The following NLGN1 variants were observed in gnomAD, a reference collection of about 807,000 sequenced individuals.
NLGN1 encodes the protein neuroligin 1, also known as neuroligin-1.
NLGN1 carries 12 observed loss-of-function variants against 65.5 expected under a neutral mutation model. The observed-to-expected ratio is 0.18, with a 90% confidence interval of 0.12 to 0.30. The LOEUF (loss-of-function observed/expected upper bound fraction) is 0.30. NLGN1 is among the 10% of genes least tolerant of loss of function. NLGN1 has a pLI of 1.00. For missense variants in NLGN1, 750 were observed against 1,007.1 expected (o/e 0.74, Z 3.46); for synonymous variants, 350 against 359.5 (o/e 0.97, Z 0.30).
chr3:173,410,508 T>C (rs1712305486), intron 1 of NLGN1, among the ~76,000 whole-genome samples: 1 of 152,216 alleles, frequency 6.6e-6, no homozygotes, highest in Non-Finnish European at 1.5e-5. Context: ...CATGTTTTTG[T>C]TAATGCAGGG....
chr3:174,011,207 A>G (rs536534661), intron 4 of NLGN1, among the ~76,000 whole-genome samples: 86 of 152,282 alleles, frequency 5.6e-4, no homozygotes, highest in African/African-American at 2.0e-3. Flanking sequence ...GCACAAATCT[A>G]TTCTTTTTCA....
chr3:174,117,572 G>A (rs1204570948), intron 4 of NLGN1, among the ~76,000 whole-genome samples: 3 of 150,554 alleles, frequency 2.0e-5, no homozygotes, highest in Non-Finnish European at 4.4e-5. Context: ...AGTGAGCCGA[G>A]ATCACGCTAC....
chr3:173,947,766 A>G (rs1747465154), intron 4 of NLGN1, among the ~76,000 whole-genome samples: 1 of 152,230 alleles, frequency 6.6e-6, no homozygotes, highest in Non-Finnish European at 1.5e-5. Context: ...TTTAAGTAGT[A>G]TAATTATTAT....
At chr3:174,084,577 G>T (rs1046915746) in intron 4 of NLGN1, among the ~76,000 whole-genome samples, 1 of 152,002 alleles carries the variant, frequency 6.6e-6, no homozygotes, top group Non-Finnish European at 1.5e-5. Context: ...AAATAAGGGA[G>T]AGATTATAAT....
chr3:174,070,362 C>T (rs1455428736), intron 4 of NLGN1, among the ~76,000 whole-genome samples: 2 of 150,222 alleles, frequency 1.3e-5, no homozygotes, highest in African/African-American at 4.9e-5. Context: ...AATGGAGTCT[C>T]GCTCTGTCAC....
At chr3:173,891,233 G>C (rs942154910) in intron 4 of NLGN1, among the ~76,000 whole-genome samples, 1 of 152,116 alleles carries the variant, frequency 6.6e-6, no homozygotes, top group African/African-American at 2.4e-5. Flanking sequence ...TTGAATTATT[G>C]ATCATGTGCA....
rs149647741 is a variant in NLGN1, at chr3:173,500,680, C to A, written c.-321+65602C>A. ...GAATTTGGCTGTGAATTCATCTGGTCCTGGACATTTTTTGGTTGGTAAGCT... is the reference window on the plus strand; with the variant it reads ...GAATTTGGCTGTGAATTCATCTGGTACTGGACATTTTTTGGTTGGTAAGCT... On this transcript the variant is annotated intron_variant, in intron 2 of 6. Transcript: ENST00000457714. Among the ~76,000 whole-genome samples, 1,362 of 152,064 alleles carry A rather than the reference C, an allele frequency of 9.0e-3. 23 individuals carry two copies. The highest frequency in any genetic ancestry group is 0.031 in the African/African-American group (1,302 of 41,530).
At chr3:173,662,926 A>G (rs1282496203) in intron 3 of NLGN1, among the ~76,000 whole-genome samples, 2 of 152,042 alleles carry the variant, frequency 1.3e-5, no homozygotes, top group Non-Finnish European at 2.9e-5. Flanking sequence ...TATGCACATT[A>G]AAGTACAGAG....
intron 4 of NLGN1, among the ~76,000 whole-genome samples, chr3:174,196,882 T>C (rs1733524313): frequency 6.6e-6 from 1 of 152,206 alleles, no homozygotes; most frequent in African/African-American, 2.4e-5. Context: ...ATCAACTCTG[T>C]AAGAACCATT....
chr3:173,593,723 T>G (rs1748947870), intron 2 of NLGN1, among the ~76,000 whole-genome samples: 1 of 152,138 alleles, frequency 6.6e-6, no homozygotes, highest in Non-Finnish European at 1.5e-5. Flanking sequence ...GCTGTATTAG[T>G]CTGTTTTCAT....
intron 4 of NLGN1, among the ~76,000 whole-genome samples, chr3:174,173,088 TA>T (rs1284631354): frequency 1.3e-5 from 2 of 151,916 alleles, no homozygotes; most frequent in Admixed American, 6.6e-5. Context: ...TTGTGTATGG[TA>T]TTTTTTTTAT....
At chr3:173,976,608 A>G (rs898387765) in intron 4 of NLGN1, among the ~76,000 whole-genome samples, 1 of 152,012 alleles carries the variant, frequency 6.6e-6, no homozygotes, top group African/African-American at 2.4e-5. Context: ...ATTAACTACC[A>G]TGAATAAATG....
chr3:173,415,830 G>C (rs1577346829), intron 1 of NLGN1, among the ~76,000 whole-genome samples: 1 of 151,434 alleles, frequency 6.6e-6, no homozygotes, highest in East Asian at 1.9e-4. Flanking sequence ...CTATGCTTCA[G>C]TTTCCCTATT....
At chr3:173,718,107 G>C (rs1221572875) in intron 3 of NLGN1, among the ~76,000 whole-genome samples, 1 of 151,956 alleles carries the variant, frequency 6.6e-6, no homozygotes, top group Non-Finnish European at 1.5e-5. Context: ...AGGGTATTTC[G>C]TATATCCATC....
intron 4 of NLGN1, among the ~76,000 whole-genome samples, chr3:174,265,763 CTATATA>C (rs374563161): frequency 1.3e-4 from 16 of 125,636 alleles, no homozygotes; most frequent in African/African-American, 3.4e-4. Context: ...ACTAAGAAGG[CTATATA>C]TATATATATA....
intron 4 of NLGN1, among the ~76,000 whole-genome samples, chr3:174,194,538 A>T (rs1307573486): frequency 1.3e-5 from 2 of 152,014 alleles, no homozygotes; most frequent in African/African-American, 4.8e-5. Flanking sequence ...CTAAATCAAG[A>T]TATTTAGATT....
intron 4 of NLGN1, among the ~76,000 whole-genome samples, chr3:174,125,743 C>G (rs1718806055): frequency 6.6e-6 from 1 of 152,054 alleles, no homozygotes; most frequent in African/African-American, 2.4e-5. Flanking sequence ...GCAGATAAAA[C>G]TTGGCACTGA....
intron 3 of NLGN1, among the ~76,000 whole-genome samples, chr3:173,666,134 CTCTTA>C (rs939983244): frequency 6.6e-6 from 1 of 152,100 alleles, no homozygotes. Context: ...CTTACATCTT[CTCTTA>C]TATGTCAATT....
At chr3:174,091,970 A>G (rs1300539974) in intron 4 of NLGN1, among the ~76,000 whole-genome samples, 1 of 152,190 alleles carries the variant, frequency 6.6e-6, no homozygotes, top group Admixed American at 6.5e-5. Flanking sequence ...ATGAATTTTA[A>G]AAATAAATCT....
Sources: gnomAD v4.1 joint callset for allele counts (sites outside exome capture counted in the v4.1 genomes callset) on GRCh38, gnomAD v4.1.1 for gene constraint, MANE v1.5 for transcripts, NCBI Gene and HGNC (gene_info 2026-07-23, HGNC 2026-07-21) for gene names.